The following MYO9B variants were observed in gnomAD, a reference collection of about 807,000 sequenced individuals.
MYO9B encodes the protein myosin IXB, also known as unconventional myosin-IXb.
Under a neutral mutation model 229.5 loss-of-function variants are expected in MYO9B, and 71 were observed. The observed-to-expected ratio is 0.31, with a 90% CI of 0.26 to 0.38. The LOEUF is 0.38. MYO9B is among the 10% of genes least tolerant of loss of function. The pLI is 1.00. For synonymous variants in MYO9B, 1,185 were observed against 1,235.8 expected, an observed-to-expected ratio of 0.96 and a Z score of 0.86; for missense variants, 2,255 against 2,920.5, an observed-to-expected ratio of 0.77 and a Z score of 5.25.
intron 3 of MYO9B, among the ~76,000 whole-genome samples, chr19:17,150,407 CAAA>C (rs1210665341): frequency 1.7e-5 from 2 of 120,104 alleles, no homozygotes; most frequent in Non-Finnish European, 3.6e-5. Flanking sequence ...GACTCCGTCT[CAAA>C]AAAAAAAAAA....
intron 3 of MYO9B, among the ~76,000 whole-genome samples, chr19:17,147,485 A>G (rs931742709): frequency 7.0e-6 from 1 of 142,878 alleles, no homozygotes; most frequent in Non-Finnish European, 1.5e-5. Flanking sequence ...CGGAGATTGC[A>G]GTGAGCCAAG....
intron 18 of MYO9B, among the ~76,000 whole-genome samples, 176 bp from the exon 19 acceptor site, chr19:17,187,759 C>A (rs144457520): frequency 6.6e-6 from 1 of 151,990 alleles, no homozygotes; most frequent in Non-Finnish European, 1.5e-5. Flanking sequence ...ACTCCCAGGT[C>A]GGCTAGCCAG....
chr19:17,198,062 C>CA (rs376329870), intron 23 of MYO9B, 122 bp from the exon 24 acceptor site: 59,415 of 1,107,808 alleles, frequency 0.054, 3 homozygotes, highest in Non-Finnish European at 0.059. Context: ...GACTCCGTTT[C>CA]AAAAAAAAAA....
chr19:17,210,569 C>A, intron 37 of MYO9B, 146 bp from the exon 38 acceptor site: 1 of 1,265,250 alleles, frequency 7.9e-7, no homozygotes, highest in Non-Finnish European at 1.1e-6. Context: ...ATGACCACCA[C>A]TCTGTCCCAT....
rs568698724 is a variant in MYO9B at position 17,198,175 on chromosome 19, G to A, written c.4114-9G>A. 3.2e-5 allele frequency: 51 copies of A among 1,613,604 alleles called. No homozygotes were observed. Among genetic ancestry groups the A allele is most frequent in the East Asian group, 1.3e-4 (6 of 44,868 alleles). ...TTCCTTAGCAGCCCCCCACTGCACC[G>A]TCTTGCAGCCTGCAGCAGAAACCAC... On this transcript the variant is annotated splice_polypyrimidine_tract_variant and intron_variant, in intron 23 of 39. Coordinates refer to ENST00000682292, the MANE Select transcript of MYO9B (RefSeq NM_004145.4).
At chr19:17,161,134 A>G (rs929808066) in intron 8 of MYO9B, among the ~76,000 whole-genome samples, 1 of 152,116 alleles carries the variant, frequency 6.6e-6, no homozygotes, top group Non-Finnish European at 1.5e-5. Context: ...TGACAGCCAC[A>G]TGGTGCACCC....
In MYO9B at chr19:17,151,848, T is replaced by G. The variant is rs2072480476; in HGVS notation, c.936-796T>G. On this transcript the variant is annotated intron_variant, in intron 3 of 39. Transcript: ENST00000682292. ...AGGAGAACAAGGCTGCATTGAGCCA[T>G]TATCGTGCTACTGCATTCCAGCCTG... Among the ~76,000 whole-genome samples the G allele has an allele frequency of 2.6e-5, 4 of 152,230 alleles. No individual in the cohort carries two copies. The South Asian group carries it at 8.3e-4, about 32-fold the overall frequency.
intron 1 of MYO9B, among the ~76,000 whole-genome samples, chr19:17,087,910 A>G (rs913916221): frequency 8.0e-5 from 12 of 150,762 alleles, no homozygotes; most frequent in Non-Finnish European, 1.3e-4. Flanking sequence ...ACCGTGGGCA[A>G]CAAGAGCAAA....
rs180848581 is a variant in MYO9B, at chr19:17,154,850, T to C, written c.1199+435T>C. ...GGTAGTATGCACCTGTGGTCCCAGCTACTTGTGGGGCTGAGGTGGGAGGAT... is the reference window on the plus strand; with the variant it reads ...GGTAGTATGCACCTGTGGTCCCAGCCACTTGTGGGGCTGAGGTGGGAGGAT... On this transcript the variant is annotated intron_variant, in intron 6 of 39. Coordinates refer to ENST00000682292, the MANE Select transcript of MYO9B (RefSeq NM_004145.4). Among the ~76,000 whole-genome samples, 124 of 152,144 alleles carry C rather than the reference T, an allele frequency of 8.2e-4. 1 individual carries two copies. The highest frequency in any genetic ancestry group is 1.3e-3 in the Non-Finnish European group (90 of 68,000).
At chr19:17,119,811 C>T (rs1263607481) in intron 2 of MYO9B, among the ~76,000 whole-genome samples, 1 of 152,190 alleles carries the variant, frequency 6.6e-6, no homozygotes, top group African/African-American at 2.4e-5. Flanking sequence ...CCACCATGGC[C>T]GGCTAATTTT....
At chr19:17,168,722 G>A (rs1374346024) in intron 11 of MYO9B, among the ~76,000 whole-genome samples, 1 of 152,150 alleles carries the variant, frequency 6.6e-6, no homozygotes, top group East Asian at 1.9e-4. Context: ...ACTTGAGCCT[G>A]GGAGGTTGAG....
intron 7 of MYO9B, 84 bp from the exon 8 acceptor site, chr19:17,159,311 G>T: frequency 7.7e-7 from 1 of 1,299,406 alleles, no homozygotes; most frequent in Non-Finnish European, 1.1e-6. Flanking sequence ...CTCAGGCTCC[G>T]GGCGTTGCCT....
Position 17,183,858 on chromosome 19 carries a change from T to G in MYO9B, c.2363T>G (p.Ile788Ser). 6.3e-7 allele frequency: 1 copy of G among 1,576,288 alleles called. No individual in the cohort carries two copies. The highest frequency in any genetic ancestry group is 8.6e-7 in the Non-Finnish European group (1 of 1,164,356). The change falls in exon 16 of 40, where the codon ATC (isoleucine) becomes AGC (serine). Residue 788 changes from isoleucine to serine, a missense_variant. Around this residue, in one of 7 missense-constraint regions of MYO9B, gnomAD observed 155 missense variants for 159.1 expected, o/e 0.97. Transcript: ENST00000682292. ...LKSKGIKQKQ[I>S]IPKNLLDSKS... The stretch of plus-strand genomic sequence containing the variant: ...AGTAAAGGTATCAAACAAAAGCAGA[T>G]CATTCCAAAGGTAAAAAAAAAAACA...
intron 2 of MYO9B, among the ~76,000 whole-genome samples, chr19:17,123,370 T>C (rs1408026414): frequency 1.3e-5 from 2 of 151,976 alleles, no homozygotes; most frequent in South Asian, 2.1e-4. Context: ...GGTATAACAC[T>C]TGTGAATATC....
intron 24 of MYO9B, 69 bp from the exon 25 acceptor site, chr19:17,200,222 TCA>T: frequency 6.5e-7 from 1 of 1,539,762 alleles, no homozygotes; most frequent in Non-Finnish European, 8.8e-7. Context: ...ATGTGTCCAG[TCA>T]CAGGGAGGCT....
chr19:17,122,485 C>G lies in MYO9B; in HGVS notation c.840+19928C>G, dbSNP rs113916707. 7.7e-3 allele frequency among the ~76,000 whole-genome samples: 1,170 copies of G among 152,230 alleles called. 37 individuals are homozygous for G. Among genetic ancestry groups the G allele is most frequent in the Admixed American group, 0.053 (817 of 15,292 alleles). Reference sequence around the variant, plus strand: ...ACCCGGGAGATTGCACCTCTGCACTCCAGCCTGGGCAACAGAGTGAGACTC... The same window carrying G: ...ACCCGGGAGATTGCACCTCTGCACTGCAGCCTGGGCAACAGAGTGAGACTC... On this transcript the variant is annotated intron_variant, in intron 2 of 39. Coordinates refer to ENST00000682292, the MANE Select transcript of MYO9B (RefSeq NM_004145.4).
At chr19:17,136,449 C>T (rs2072270666) in intron 2 of MYO9B, among the ~76,000 whole-genome samples, 1 of 152,122 alleles carries the variant, frequency 6.6e-6, no homozygotes, top group Non-Finnish European at 1.5e-5. Flanking sequence ...TAGAATGCAG[C>T]ACATATGGGA....
intron 21 of MYO9B, 93 bp from the exon 22 acceptor site, chr19:17,194,463 G>A: frequency 1.4e-6 from 2 of 1,428,470 alleles, no homozygotes; most frequent in Non-Finnish European, 1.9e-6. Context: ...AGCCCCGTCT[G>A]CAGCCCGCAG....
At chr19:17,157,577 C>G (rs2072551029) in intron 7 of MYO9B, 1 of 157,650 alleles carries the variant, frequency 6.3e-6, no homozygotes. Context: ...ACAAAACAAA[C>G]AAAAAAAAAC....
Sources: gnomAD v4.1 joint callset for allele counts (sites outside exome capture counted in the v4.1 genomes callset) on GRCh38, gnomAD v4.1.1 for gene constraint, gnomAD v4.1.1 regional missense constraint, MANE v1.5 for transcripts, NCBI Gene and HGNC (gene_info 2026-07-23, HGNC 2026-07-21) for gene names.